OSBPL6: variants seen among roughly 807,000 people sequenced by gnomAD.
OSBPL6 encodes oxysterol-binding protein-related protein 6.
In OSBPL6, 49 loss-of-function variants were observed where a neutral mutation model predicts 125.8. The ratio of observed to expected loss-of-function variants is 0.39; its 90% CI spans 0.31 to 0.49. OSBPL6 has a LOEUF of 0.49. OSBPL6 is among the 20% of genes least tolerant of loss of function. The pLI is 0.88. For synonymous variants in OSBPL6, 394 were observed against 391.8 expected (o/e 1.01, Z -0.07); for missense variants, 986 against 1,135.4 (o/e 0.87, Z 1.89).
chr2:178,295,792 T>C (rs1476849200), intron 2 of OSBPL6, among the ~76,000 whole-genome samples: 1 of 151,892 alleles, frequency 6.6e-6, no homozygotes, highest in Non-Finnish European at 1.5e-5. Flanking sequence ...TAAAGATTAA[T>C]TATAATAAAA....
chr2:178,317,962 C>T (rs1687908579), intron 3 of OSBPL6, among the ~76,000 whole-genome samples: 2 of 152,076 alleles, frequency 1.3e-5, no homozygotes, highest in African/African-American at 4.8e-5. Context: ...TTATAATTGC[C>T]GTAATGAAGC....
intron 1 of OSBPL6, among the ~76,000 whole-genome samples, chr2:178,204,813 T>C (rs1422620893): frequency 6.6e-6 from 1 of 151,864 alleles, no homozygotes; most frequent in Non-Finnish European, 1.5e-5. Flanking sequence ...AGAGGGAGAG[T>C]TACTCTAGCA....
chr2:178,336,251 A>G, intron 8 of OSBPL6, 50 bp from the exon 9 acceptor site: 1 of 1,565,354 alleles, frequency 6.4e-7, no homozygotes, highest in Non-Finnish European at 8.7e-7. Context: ...TTTTTTAATC[A>G]TTGAAATGTA....
At chr2:178,344,664 A>AT (rs1390406410) in intron 11 of OSBPL6, among the ~76,000 whole-genome samples, 7 of 97,616 alleles carry the variant, frequency 7.2e-5, no homozygotes, top group Non-Finnish European at 1.5e-4. Flanking sequence ...CTTAAATTAT[A>AT]TTGTTTTTTT....
chr2:178,255,425 A>G (rs2091852881), intron 1 of OSBPL6, among the ~76,000 whole-genome samples: 1 of 152,254 alleles, frequency 6.6e-6, no homozygotes, highest in Non-Finnish European at 1.5e-5. Flanking sequence ...ACAGCATGGG[A>G]AAAACGCTCC....
At chr2:178,287,152 A>T (rs796611172) in intron 2 of OSBPL6, among the ~76,000 whole-genome samples, 3,475 of 124,292 alleles carry the variant, frequency 0.028, 73 homozygotes, top group African/African-American at 0.077. Flanking sequence ...CTTTTTTTAA[A>T]AAAAAAAAAA....
At chr2:178,311,572 T>C (rs1341845618) in intron 3 of OSBPL6, among the ~76,000 whole-genome samples, 1 of 152,210 alleles carries the variant, frequency 6.6e-6, no homozygotes, top group Non-Finnish European at 1.5e-5. Context: ...GCCTCACATT[T>C]GGTATGCTCA....
intron 12 of OSBPL6, among the ~76,000 whole-genome samples, chr2:178,355,616 G>A (rs1478908332): frequency 6.6e-6 from 1 of 152,080 alleles, no homozygotes; most frequent in Non-Finnish European, 1.5e-5. Flanking sequence ...ACCAAAAAAA[G>A]TACAGGACCA....
At chr2:178,325,233 A>G (rs1408400355) in intron 4 of OSBPL6, among the ~76,000 whole-genome samples, 2 of 152,244 alleles carry the variant, frequency 1.3e-5, no homozygotes, top group Non-Finnish European at 2.9e-5. Flanking sequence ...GAATTCCAGT[A>G]TAAAAATAGC....
chr2:178,302,289 C>A (rs879308141), intron 2 of OSBPL6, among the ~76,000 whole-genome samples: 1 of 152,112 alleles, frequency 6.6e-6, no homozygotes, highest in East Asian at 1.9e-4. Flanking sequence ...AGTCACAATA[C>A]GTTTCTCATT....
intron 1 of OSBPL6, among the ~76,000 whole-genome samples, chr2:178,254,208 A>G (rs1255657708): frequency 1.3e-5 from 2 of 152,180 alleles, no homozygotes; most frequent in Non-Finnish European, 2.9e-5. Context: ...CCTGGCCAAC[A>G]TAATGAAACG....
intron 15 of OSBPL6, among the ~76,000 whole-genome samples, chr2:178,378,849 T>C (rs922869123): frequency 1.3e-5 from 2 of 152,102 alleles, no homozygotes; most frequent in Admixed American, 6.5e-5. Flanking sequence ...TTCTATGATA[T>C]ATTAGTTTGG....
intron 2 of OSBPL6, among the ~76,000 whole-genome samples, chr2:178,305,366 C>T (rs1686667101): frequency 6.6e-6 from 1 of 152,074 alleles, no homozygotes; most frequent in Admixed American, 6.5e-5. Flanking sequence ...TACATGAATC[C>T]AAGTAAAAAA....
chr2:178,393,886 A>T (rs568101543), intron 23 of OSBPL6, among the ~76,000 whole-genome samples: 1 of 152,348 alleles, frequency 6.6e-6, no homozygotes. Context: ...GACGGAGAAT[A>T]GCCAGTTACC....
intron 16 of OSBPL6, 25 bp downstream of exon 16, chr2:178,382,532 T>G: frequency 6.2e-7 from 1 of 1,613,864 alleles, no homozygotes; most frequent in Non-Finnish European, 8.5e-7. Flanking sequence ...AGCTTCCAGG[T>G]TGTTCTATCT....
chr2:178,225,844 C>T (rs2090539093), intron 1 of OSBPL6, among the ~76,000 whole-genome samples: 1 of 152,148 alleles, frequency 6.6e-6, no homozygotes, highest in South Asian at 2.1e-4. Flanking sequence ...AGTCATCTCC[C>T]ACTGGGTCCC....
At chr2:178,298,167 G>C (rs941140460) in intron 2 of OSBPL6, among the ~76,000 whole-genome samples, 1 of 152,156 alleles carries the variant, frequency 6.6e-6, no homozygotes, top group Admixed American at 6.5e-5. Flanking sequence ...ACTTTAAAAT[G>C]ATGCCTTCAG....
intron 3 of OSBPL6, among the ~76,000 whole-genome samples, chr2:178,316,052 A>C: frequency 6.6e-6 from 1 of 152,198 alleles, no homozygotes; most frequent in East Asian, 1.9e-4. Flanking sequence ...ATTCTTACAA[A>C]GGTAAAGGAA....
At chr2:178,371,826 G>A (rs1693418338) in intron 13 of OSBPL6, among the ~76,000 whole-genome samples, 1 of 152,070 alleles carries the variant, frequency 6.6e-6, no homozygotes, top group Non-Finnish European at 1.5e-5. Flanking sequence ...GGTAGACTGG[G>A]CTTGAGTATA....
Sources: allele counts gnomAD v4.1 joint callset (sites outside exome capture counted in the v4.1 genomes callset), GRCh38; gene constraint gnomAD v4.1.1; transcripts MANE v1.5; gene names NCBI Gene and HGNC (gene_info 2026-07-23, HGNC 2026-07-21).